The following TGFA variants were observed in gnomAD, a reference collection of about 807,000 sequenced individuals.
TGFA encodes protransforming growth factor alpha.
Under a neutral mutation model 21.7 loss-of-function variants are expected in TGFA, and 12 were observed. That is an observed-to-expected ratio of 0.55 (90% CI 0.35 to 0.90). The LOEUF is 0.90. TGFA is among the 40% of genes least tolerant of loss of function. The pLI is 0.01. For missense variants in TGFA, 178 were observed against 210.8 expected, an observed-to-expected ratio of 0.84 and a Z score of 0.96; for synonymous variants, 79 against 88.1, an observed-to-expected ratio of 0.90 and a Z score of 0.58.
At chr2:70,512,083 C>G (rs2103846787) in intron 2 of TGFA, among the ~76,000 whole-genome samples, 1 of 152,150 alleles carries the variant, frequency 6.6e-6, no homozygotes, top group Middle Eastern at 3.4e-3. Context: ...CTCTAGGGGA[C>G]AGGAAGGACA....
At chr2:70,476,080 CAAAAAAAAAAA>C (rs1175233983) in intron 2 of TGFA, among the ~76,000 whole-genome samples, 4 of 55,632 alleles carry the variant, frequency 7.2e-5, no homozygotes, top group East Asian at 7.7e-4. Flanking sequence ...TAATTTTAAG[CAAAAAAAAAAA>C]AAAAAAAAAA....
chr2:70,494,078 G>T (rs549747569), intron 2 of TGFA, among the ~76,000 whole-genome samples: 2 of 152,272 alleles, frequency 1.3e-5, no homozygotes, highest in East Asian at 1.9e-4. Flanking sequence ...TTGTAGGGGA[G>T]AATCTGTTTC....
chr2:70,514,669 C>A (rs1441178649), intron 2 of TGFA, among the ~76,000 whole-genome samples, 190 bp downstream of exon 2: 1 of 152,118 alleles, frequency 6.6e-6, no homozygotes, highest in East Asian at 1.9e-4. Flanking sequence ...GGAACAGCCC[C>A]CCCTTGGGCC....
chr2:70,479,892 G>A (rs1420968948), intron 2 of TGFA, among the ~76,000 whole-genome samples: 1 of 152,194 alleles, frequency 6.6e-6, no homozygotes, highest in African/African-American at 2.4e-5. Context: ...CTTAGGAATA[G>A]AGGCATTAGT....
chr2:70,517,096 G>A (rs1002042557), intron 1 of TGFA, among the ~76,000 whole-genome samples: 1 of 152,172 alleles, frequency 6.6e-6, no homozygotes, highest in Non-Finnish European at 1.5e-5. Context: ...CCCAGCCTTG[G>A]GGCAAATTAC....
At chr2:70,547,521 C>T (rs1379745722) in intron 1 of TGFA, among the ~76,000 whole-genome samples, 1 of 142,360 alleles carries the variant, frequency 7.0e-6, no homozygotes, top group Non-Finnish European at 1.5e-5. Flanking sequence ...CCAGCCTGGG[C>T]AACAGAGCGA....
At chr2:70,529,310 TCTC>T (rs1426230709) in intron 1 of TGFA, among the ~76,000 whole-genome samples, 1 of 152,182 alleles carries the variant, frequency 6.6e-6, no homozygotes, top group Non-Finnish European at 1.5e-5. Context: ...ACACTTGGAC[TCTC>T]CTATTTGAGC....
intron 2 of TGFA, among the ~76,000 whole-genome samples, chr2:70,511,187 GTTA>G (rs1364548287): frequency 6.6e-6 from 1 of 152,124 alleles, no homozygotes; most frequent in African/African-American, 2.4e-5. Context: ...TCTTGCATCC[GTTA>G]TTATTTCTCA....
chr2:70,497,629 A>T (rs1574104671), intron 2 of TGFA, among the ~76,000 whole-genome samples: 2 of 152,334 alleles, frequency 1.3e-5, no homozygotes, highest in South Asian at 4.1e-4. Flanking sequence ...AACCAGCTGT[A>T]GAAAGGAGGG....
At chr2:70,530,758 A>C (rs1672792510) in intron 1 of TGFA, among the ~76,000 whole-genome samples, 2 of 152,190 alleles carry the variant, frequency 1.3e-5, no homozygotes, top group Admixed American at 1.3e-4. Flanking sequence ...CAGCAATACC[A>C]CCTGCAGGCA....
intron 5 of TGFA, 101 bp downstream of exon 5, chr2:70,453,115 CCT>C: frequency 9.6e-7 from 1 of 1,040,648 alleles, no homozygotes; most frequent in Non-Finnish European, 1.4e-6. Context: ...TTCCTTTTCT[CCT>C]CTCTTCCTGC....
At chr2:70,552,342 T>C (rs1214293543) in intron 1 of TGFA, among the ~76,000 whole-genome samples, 1 of 152,254 alleles carries the variant, frequency 6.6e-6, no homozygotes, top group African/African-American at 2.4e-5. Context: ...TTATTACTAC[T>C]ACTACTTACT....
At chr2:70,527,514 T>C (rs1367965492) in intron 1 of TGFA, among the ~76,000 whole-genome samples, 2 of 152,332 alleles carry the variant, frequency 1.3e-5, no homozygotes, top group South Asian at 2.1e-4. Flanking sequence ...AATACTATAA[T>C]GGTGGGTATG....
intron 5 of TGFA, among the ~76,000 whole-genome samples, chr2:70,452,763 G>A (rs11466266): frequency 0.038 from 5,721 of 152,110 alleles, 300 homozygotes; most frequent in African/African-American, 0.13. Flanking sequence ...CCAATACTGC[G>A]AAACCCCGTC....
intron 2 of TGFA, among the ~76,000 whole-genome samples, chr2:70,504,285 C>T (rs1671831983): frequency 6.6e-6 from 1 of 151,422 alleles, no homozygotes; most frequent in African/African-American, 2.4e-5. Flanking sequence ...TGGCATGTGC[C>T]TGTAGTCCCA....
chr2:70,480,677 G>A (rs535366163), intron 2 of TGFA, among the ~76,000 whole-genome samples: 27 of 152,208 alleles, frequency 1.8e-4, no homozygotes, highest in Non-Finnish European at 1.9e-4. Flanking sequence ...TTTTAAAAAT[G>A]AGTGCATTCT....
chr2:70,503,020 T>C (rs1671784280), intron 2 of TGFA, among the ~76,000 whole-genome samples: 1 of 152,148 alleles, frequency 6.6e-6, no homozygotes, highest in Non-Finnish European at 1.5e-5. Context: ...GTGTGGGAAT[T>C]CCTCAGGGAT....
At chr2:70,471,127 C>A in intron 2 of TGFA, among the ~76,000 whole-genome samples, 1 of 146,348 alleles carries the variant, frequency 6.8e-6, no homozygotes, top group African/African-American at 2.5e-5. Context: ...CACCATATAA[C>A]CAAACTTCTT....
chr2:70,515,919 T>A (rs1465070536), intron 1 of TGFA, among the ~76,000 whole-genome samples: 1 of 152,172 alleles, frequency 6.6e-6, no homozygotes, highest in East Asian at 1.9e-4. Context: ...ACTACAAGAT[T>A]TTTAAGACTG....
Sources: allele counts gnomAD v4.1 joint callset (sites outside exome capture counted in the v4.1 genomes callset), GRCh38; gene constraint gnomAD v4.1.1; transcripts MANE v1.5; gene names NCBI Gene and HGNC (gene_info 2026-07-23, HGNC 2026-07-21).